Variants in HS3ST5 observed in about 807,000 individuals in gnomAD.
The protein encoded by HS3ST5 is heparan sulfate glucosamine 3-O-sulfotransferase 5.
A neutral mutation model predicts 25.4 loss-of-function variants in HS3ST5; 10 were observed. The ratio of observed to expected loss-of-function variants is 0.39; its 90% CI spans 0.24 to 0.67. The LOEUF (loss-of-function observed/expected upper bound fraction) is 0.67. HS3ST5 is among the 30% of genes least tolerant of loss of function. The pLI, the probability that HS3ST5 is intolerant of heterozygous loss-of-function variation, is 0.44. For missense variants in HS3ST5, 324 were observed against 420.7 expected, an observed-to-expected ratio of 0.77 and a Z score of 2.01; for synonymous variants, 170 against 162.4, an observed-to-expected ratio of 1.05 and a Z score of -0.36.
chr6:114,072,597 A>G (rs1264887097), intron 3 of HS3ST5, among the ~76,000 whole-genome samples: 1 of 152,174 alleles, frequency 6.6e-6, no homozygotes, highest in East Asian at 1.9e-4. Flanking sequence ...TCCCAATTTC[A>G]CATTTAGTGA....
At chr6:114,131,914 C>T (rs73767009) in intron 3 of HS3ST5, among the ~76,000 whole-genome samples, 1 of 152,174 alleles carries the variant, frequency 6.6e-6, no homozygotes, top group African/African-American at 2.4e-5. Context: ...GTGGTATATG[C>T]TTCCATTTGG....
intron 3 of HS3ST5, among the ~76,000 whole-genome samples, chr6:114,124,116 A>G (rs566089544): frequency 6.6e-6 from 1 of 151,948 alleles, no homozygotes; most frequent in East Asian, 1.9e-4. Flanking sequence ...TGAACTCCCT[A>G]GCTTTGATTT....
At chr6:114,314,618 CT>C (rs1351665395) in intron 1 of HS3ST5, among the ~76,000 whole-genome samples, 3 of 152,184 alleles carry the variant, frequency 2.0e-5, no homozygotes, top group Non-Finnish European at 4.4e-5. Context: ...AAACACAGTT[CT>C]TTTGTGTGTA....
chr6:114,060,937 AT>A (rs200465071), intron 4 of HS3ST5, among the ~76,000 whole-genome samples: 1,860 of 152,240 alleles, frequency 0.012, 35 homozygotes, highest in African/African-American at 0.043. Context: ...CAGGTTTAGG[AT>A]TGGAAGGGAT....
At chr6:114,165,449 G>A (rs1582671020) in intron 3 of HS3ST5, among the ~76,000 whole-genome samples, 1 of 151,928 alleles carries the variant, frequency 6.6e-6, no homozygotes, top group African/African-American at 2.4e-5. Context: ...CGCCTGCCAG[G>A]GTTTTCAAAT....
chr6:114,233,487 T>C (rs943725543), intron 1 of HS3ST5, among the ~76,000 whole-genome samples: 1 of 152,142 alleles, frequency 6.6e-6, no homozygotes, highest in Non-Finnish European at 1.5e-5. Context: ...AAATAGAACA[T>C]TTGTGTCTGA....
At chr6:114,254,926 C>T (rs1230847865) in intron 1 of HS3ST5, among the ~76,000 whole-genome samples, 3 of 152,202 alleles carry the variant, frequency 2.0e-5, no homozygotes, top group African/African-American at 7.2e-5. Flanking sequence ...ATTATTCCAC[C>T]TCTGGCCCCT....
intron 3 of HS3ST5, among the ~76,000 whole-genome samples, chr6:114,086,369 T>C (rs910770883): frequency 1.3e-5 from 2 of 152,156 alleles, no homozygotes; most frequent in African/African-American, 4.8e-5. Flanking sequence ...AGTTTGAAGA[T>C]GCAAGGATTT....
intron 3 of HS3ST5, among the ~76,000 whole-genome samples, chr6:114,109,272 G>GTGTA (rs1554209585): frequency 1.5e-3 from 231 of 150,490 alleles, no homozygotes; most frequent in African/African-American, 5.3e-3. Flanking sequence ...ATGTGTGTGT[G>GTGTA]TATATATATA....
At chr6:114,061,600 C>T (rs535784557) in intron 4 of HS3ST5, among the ~76,000 whole-genome samples, 1 of 152,330 alleles carries the variant, frequency 6.6e-6, no homozygotes, top group African/African-American at 2.4e-5. Context: ...TTTTCACTGA[C>T]TGTGAGAACT....
chr6:114,086,619 T>C (rs1774843910), intron 3 of HS3ST5, among the ~76,000 whole-genome samples: 1 of 152,238 alleles, frequency 6.6e-6, no homozygotes, highest in South Asian at 2.1e-4. Context: ...CCTAAAGAAC[T>C]ATCTGCTAAT....
intron 3 of HS3ST5, among the ~76,000 whole-genome samples, chr6:114,131,871 A>G (rs1245914111): frequency 6.6e-6 from 1 of 152,152 alleles, no homozygotes; most frequent in Non-Finnish European, 1.5e-5. Context: ...TAATATTCCA[A>G]TGTGCCCTTT....
intron 3 of HS3ST5, among the ~76,000 whole-genome samples, chr6:114,098,880 A>G (rs554775772): frequency 6.6e-6 from 1 of 152,266 alleles, no homozygotes; most frequent in African/African-American, 2.4e-5. Flanking sequence ...GTGTACATGT[A>G]TGTACATATA....
chr6:114,061,192 T>C (rs548316896), intron 4 of HS3ST5, among the ~76,000 whole-genome samples: 1 of 152,320 alleles, frequency 6.6e-6, no homozygotes, highest in African/African-American at 2.4e-5. Context: ...GATCAATTAC[T>C]AAGTAAAAGG....
intron 4 of HS3ST5, among the ~76,000 whole-genome samples, chr6:114,061,872 T>C (rs755616185): frequency 6.6e-6 from 1 of 152,032 alleles, no homozygotes; most frequent in East Asian, 1.9e-4. Flanking sequence ...AGTTTGAACA[T>C]GGGAGGAGGA....
At chr6:114,104,635 G>A (rs1457564134) in intron 3 of HS3ST5, among the ~76,000 whole-genome samples, 1 of 152,188 alleles carries the variant, frequency 6.6e-6, no homozygotes, top group African/African-American at 2.4e-5. Context: ...CAAGCCTTGA[G>A]AAGCAAATGT....
chr6:114,072,707 G>A (rs1380260304), intron 3 of HS3ST5, among the ~76,000 whole-genome samples: 1 of 152,096 alleles, frequency 6.6e-6, no homozygotes, highest in Non-Finnish European at 1.5e-5. Context: ...CGTGAAAATG[G>A]CCATACTGCC....
Position 114,057,833 on chromosome 6 carries a change from C to G in HS3ST5, c.465G>C (p.Lys155Asn). ...FSYPQQITIEKSPAYFITEEV... is the reference protein window; with the variant it reads ...FSYPQQITIENSPAYFITEEV... ...CCTCTGTGATAAAATATGCTGGGCTCTTTTCAATTGTGATTTGCTGAGGGT... is the reference window on the plus strand; with the variant it reads ...CCTCTGTGATAAAATATGCTGGGCTGTTTTCAATTGTGATTTGCTGAGGGT... Residue 155 changes from lysine to asparagine, a missense_variant, in exon 5 of 5, where the codon AAG becomes AAC. Transcript: ENST00000312719. 6.2e-7 allele frequency: 1 copy of G among 1,614,070 alleles called. No homozygotes were observed.
chr6:114,322,395 G>T (rs1170605427), intron 1 of HS3ST5, among the ~76,000 whole-genome samples: 3 of 152,010 alleles, frequency 2.0e-5, no homozygotes, highest in Admixed American at 2.0e-4. Context: ...AAAGAGACAG[G>T]TGGGCCTGCT....
Sources: gnomAD v4.1 joint callset for allele counts (sites outside exome capture counted in the v4.1 genomes callset) on GRCh38, gnomAD v4.1.1 for gene constraint, MANE v1.5 for transcripts, NCBI Gene and HGNC (gene_info 2026-07-23, HGNC 2026-07-21) for gene names.